MAP7: variants seen among roughly 807,000 people sequenced by gnomAD.
MAP7 encodes the protein ensconsin.
In MAP7, 52 loss-of-function variants were observed where a neutral mutation model predicts 94.8. The observed-to-expected ratio is 0.55, with a 90% confidence interval of 0.44 to 0.69. MAP7 has a LOEUF of 0.69. MAP7 is among the 30% of genes least tolerant of loss of function. The pLI is 0.00. For synonymous variants in MAP7, 350 were observed against 357.0 expected (o/e 0.98, Z 0.22); for missense variants, 940 against 964.6 (o/e 0.97, Z 0.34).
intron 1 of MAP7, among the ~76,000 whole-genome samples, chr6:136,502,817 G>A (rs1328405355): frequency 1.3e-5 from 2 of 152,114 alleles, no homozygotes; most frequent in African/African-American, 4.8e-5. Context: ...AGAGTGCACA[G>A]AATACTGATT....
intron 1 of MAP7, among the ~76,000 whole-genome samples, chr6:136,539,637 C>T (rs922927250): frequency 6.6e-6 from 1 of 152,130 alleles, no homozygotes; most frequent in Non-Finnish European, 1.5e-5. Context: ...CTTCAAATCA[C>T]AAAAGATGGC....
intron 3 of MAP7, among the ~76,000 whole-genome samples, chr6:136,403,844 A>T (rs1408414638): frequency 6.6e-6 from 1 of 152,206 alleles, no homozygotes; most frequent in Non-Finnish European, 1.5e-5. Flanking sequence ...CTGCTCTGTT[A>T]TGTGCTAACA....
chr6:136,370,981 C>T (rs887152188), intron 8 of MAP7, among the ~76,000 whole-genome samples: 6 of 151,886 alleles, frequency 4.0e-5, no homozygotes, highest in Admixed American at 3.3e-4. Flanking sequence ...TAGCCACTTT[C>T]CAAGTGCTCA....
chr6:136,400,076 C>T (rs1211455457), intron 3 of MAP7, among the ~76,000 whole-genome samples: 1 of 151,750 alleles, frequency 6.6e-6, no homozygotes, highest in African/African-American at 2.4e-5. Flanking sequence ...CTCTACACCA[C>T]CAGCCCTGCC....
chr6:136,468,503 T>C (rs1417650607), intron 1 of MAP7, among the ~76,000 whole-genome samples: 4 of 152,170 alleles, frequency 2.6e-5, no homozygotes, highest in Non-Finnish European at 5.9e-5. Flanking sequence ...AAGTTAAAAA[T>C]ATCATAAGTT....
intron 15 of MAP7, 91 bp downstream of exon 15, chr6:136,359,729 T>G: frequency 5.7e-6 from 7 of 1,232,624 alleles, no homozygotes; most frequent in Non-Finnish European, 4.7e-6. Context: ...GGATCTTTTT[T>G]CCCTCCATCA....
intron 3 of MAP7, among the ~76,000 whole-genome samples, chr6:136,410,773 A>G (rs1050251697): frequency 6.6e-6 from 1 of 152,240 alleles, no homozygotes; most frequent in African/African-American, 2.4e-5. Context: ...ATATAGGGGC[A>G]GAGTCCCCAG....
intron 11 of MAP7, 26 bp downstream of exon 11, chr6:136,362,424 G>A (rs935290820): frequency 6.2e-7 from 1 of 1,610,826 alleles, no homozygotes; most frequent in Non-Finnish European, 8.5e-7. Flanking sequence ...CTGACACCAT[G>A]GTGTGGAGCA....
Position 136,366,358 on chromosome 6 carries a change from T to G in MAP7, c.958A>C (p.Lys320Gln), listed in dbSNP as rs1271588581. The G allele has an allele frequency of 1.9e-6, 3 of 1,614,166 alleles. No individual in the cohort carries two copies. Among genetic ancestry groups the G allele is most frequent in the Non-Finnish European group, 2.5e-6 (3 of 1,180,014 alleles). Residue 320 changes from lysine to glutamine, a missense_variant, in exon 9 of 18, where the codon AAA becomes CAA. Lys to Gln is a moderately conservative substitution (Grantham distance 53, BLOSUM62 1). Transcript: ENST00000354570. ...CGGGAGCGAGCTGGTTGTCTTGCTT[T>G]GGGATTAGATGGAGATACAGCCCTT... ...TRRAVSPSNP[K>Q]ARQPARSRLW...
intron 1 of MAP7, among the ~76,000 whole-genome samples, chr6:136,454,272 G>GATCGATCGATCTATCTATCT (rs1554258958): frequency 2.0e-4 from 28 of 141,472 alleles, no homozygotes; most frequent in African/African-American, 7.2e-4. Context: ...CTACCTAAAT[G>GATCGATCGATCTATCTATCT]ATCTATCTAT....
intron 1 of MAP7, among the ~76,000 whole-genome samples, chr6:136,423,787 T>TG (rs201864203): frequency 0.033 from 4,760 of 145,846 alleles, 274 homozygotes; most frequent in African/African-American, 0.11. Context: ...GTTGTGTTTT[T>TG]TTTTTTTGTT....
chr6:136,417,743 C>T (rs1051142585), intron 2 of MAP7, among the ~76,000 whole-genome samples: 4 of 152,292 alleles, frequency 2.6e-5, no homozygotes, highest in East Asian at 3.9e-4. Context: ...TGCCCATCCA[C>T]GCACCATGGC....
intron 1 of MAP7, among the ~76,000 whole-genome samples, chr6:136,442,279 C>T (rs1264233724): frequency 1.3e-5 from 2 of 151,538 alleles, no homozygotes; most frequent in African/African-American, 2.4e-5. Flanking sequence ...GTGGTGCATG[C>T]CTGTAACCCC....
chr6:136,525,404 T>C (rs371851104), intron 1 of MAP7, among the ~76,000 whole-genome samples: 1 of 152,140 alleles, frequency 6.6e-6, no homozygotes, highest in East Asian at 1.9e-4. Flanking sequence ...TTGAGTCACT[T>C]TAACTCATCC....
intron 1 of MAP7, among the ~76,000 whole-genome samples, chr6:136,527,259 T>G (rs1828042222): frequency 6.6e-6 from 1 of 152,232 alleles, no homozygotes. Flanking sequence ...ACTTCTAGAC[T>G]GCTTAAAATG....
Position 136,411,564 on chromosome 6 carries a change from C to T in MAP7, c.244+56G>A, listed in dbSNP as rs369667531. ...ATTCATAAAGGTATGCAAAAGACCA[C>T]GGTATTATAGTGACATCCATTCAAA... On this transcript the variant is annotated intron_variant, in intron 3 of 17. Coordinates refer to ENST00000354570, the MANE Select transcript of MAP7 (RefSeq NM_003980.6). The T allele has an allele frequency of 1.7e-4, 246 of 1,428,816 alleles. 1 individual carries two copies. Among genetic ancestry groups the T allele is most frequent in the Middle Eastern group, 1.7e-4 (1 of 5,742 alleles). 88.5% of individuals were successfully genotyped at this position (1,428,816 alleles called of 1,614,324 possible).
chr6:136,351,834 T>C (rs1057338932), intron 16 of MAP7, among the ~76,000 whole-genome samples: 2 of 152,166 alleles, frequency 1.3e-5, no homozygotes, highest in African/African-American at 4.8e-5. Flanking sequence ...GCAGCAGAGT[T>C]TTGCTTTCTG....
chr6:136,349,300 G>A (rs561922632), intron 16 of MAP7, among the ~76,000 whole-genome samples: 72 of 151,940 alleles, frequency 4.7e-4, no homozygotes, highest in Non-Finnish European at 8.1e-4. Flanking sequence ...TTTTATAAAC[G>A]TCGTATATCT....
chr6:136,400,894 C>T (rs1043210973), intron 3 of MAP7, among the ~76,000 whole-genome samples: 3 of 152,216 alleles, frequency 2.0e-5, no homozygotes, highest in Non-Finnish European at 4.4e-5. Flanking sequence ...TTCCCTGCTC[C>T]AAACTGGAAC....
Sources: allele counts gnomAD v4.1 joint callset (sites outside exome capture counted in the v4.1 genomes callset), GRCh38; gene constraint gnomAD v4.1.1; transcripts MANE v1.5; gene names NCBI Gene and HGNC (gene_info 2026-07-23, HGNC 2026-07-21).